The following TCF7L2 variants were observed in gnomAD, a reference collection of about 807,000 sequenced individuals.
TCF7L2 encodes the protein transcription factor 7-like 2.
TCF7L2 carries 23 observed loss-of-function variants against 77.9 expected under a neutral mutation model. The ratio of observed to expected loss-of-function variants is 0.30; its 90% CI spans 0.21 to 0.42. The LOEUF is 0.42. Ranked by LOEUF, TCF7L2 falls within the 10% of genes least tolerant of loss-of-function variation. The pLI is 1.00. For synonymous variants in TCF7L2, 413 were observed against 340.2 expected, an observed-to-expected ratio of 1.21 and a Z score of -2.36; for missense variants, 654 against 793.1, an observed-to-expected ratio of 0.82 and a Z score of 2.11.
At chr10:113,153,802 C>T (rs879727926) in intron 11 of TCF7L2, among the ~76,000 whole-genome samples, 10 of 152,232 alleles carry the variant, frequency 6.6e-5, no homozygotes, top group Non-Finnish European at 1.2e-4. Flanking sequence ...GCCAGGAAAT[C>T]GCAAACATCT....
At chr10:113,106,718 A>G (rs980462926) in intron 5 of TCF7L2, among the ~76,000 whole-genome samples, 3 of 152,228 alleles carry the variant, frequency 2.0e-5, no homozygotes, top group African/African-American at 4.8e-5. Context: ...CGATACATAG[A>G]CAATCAGATC....
At chr10:113,074,133 C>G (rs554725353) in intron 5 of TCF7L2, among the ~76,000 whole-genome samples, 1 of 152,302 alleles carries the variant, frequency 6.6e-6, no homozygotes, top group Non-Finnish European at 1.5e-5. Context: ...ACCTTTCTTC[C>G]TGGAGCACAG....
rs750759958 is a variant in TCF7L2 at position 113,040,009 on chromosome 10, TG to T, written c.451-15del. 1.9e-6 allele frequency: 3 copies of T among 1,608,604 alleles called. No homozygotes were observed. The highest frequency in any genetic ancestry group is 2.5e-6 in the Non-Finnish European group (3 of 1,177,054). On this transcript the variant is annotated splice_polypyrimidine_tract_variant and intron_variant, in intron 4 of 13. Transcript: ENST00000627217. ...AATTCATTGTTTTTCATTTCACTTT[TG>T]TTTCCTCTCGCCAGTATCTCCAGAT...
At chr10:113,034,563 A>C (rs1182511214) in intron 4 of TCF7L2, among the ~76,000 whole-genome samples, 1 of 152,174 alleles carries the variant, frequency 6.6e-6, no homozygotes. Flanking sequence ...GATTAGGAAA[A>C]TTTAACAGCG....
At chr10:112,993,212 A>T (rs2042889383) in intron 4 of TCF7L2, among the ~76,000 whole-genome samples, 1 of 152,118 alleles carries the variant, frequency 6.6e-6, no homozygotes, top group Non-Finnish European at 1.5e-5. Context: ...GGTCTTTATT[A>T]ACACACATGT....
At chr10:113,081,660 A>G (rs2059326210) in intron 5 of TCF7L2, among the ~76,000 whole-genome samples, 1 of 152,210 alleles carries the variant, frequency 6.6e-6, no homozygotes, top group South Asian at 2.1e-4. Context: ...AAAGATTGCA[A>G]GGAGAGTTCA....
chr10:113,041,688 T>TAA (rs568881841), intron 5 of TCF7L2, among the ~76,000 whole-genome samples: 2 of 151,654 alleles, frequency 1.3e-5, no homozygotes, highest in African/African-American at 4.8e-5. Context: ...AATGCCCTGT[T>TAA]AAAAAAAAAT....
chr10:113,144,377 C>T (rs2068942642), intron 7 of TCF7L2, among the ~76,000 whole-genome samples: 1 of 152,176 alleles, frequency 6.6e-6, no homozygotes, highest in South Asian at 2.1e-4. Context: ...CTGGTCATGA[C>T]CCTTCTGCTG....
At chr10:113,077,465 T>C (rs1369797552) in intron 5 of TCF7L2, among the ~76,000 whole-genome samples, 6 of 152,082 alleles carry the variant, frequency 3.9e-5, no homozygotes, top group Admixed American at 3.9e-4. Flanking sequence ...TAAAAGAAAC[T>C]GTACCCATTA....
intron 5 of TCF7L2, among the ~76,000 whole-genome samples, chr10:113,093,074 G>A (rs915400632): frequency 6.0e-4 from 91 of 152,272 alleles, no homozygotes; most frequent in African/African-American, 2.1e-3. Context: ...AAAACAGGCG[G>A]TGGTCATGGG....
intron 6 of TCF7L2, among the ~76,000 whole-genome samples, chr10:113,142,725 C>CA (rs925255728): frequency 1.3e-5 from 2 of 152,200 alleles, no homozygotes; most frequent in Non-Finnish European, 2.9e-5. Flanking sequence ...CGGCCCCAGG[C>CA]TCCACCAGTG....
intron 4 of TCF7L2, among the ~76,000 whole-genome samples, chr10:112,995,678 T>G (rs1323847949): frequency 6.6e-6 from 1 of 152,154 alleles, no homozygotes; most frequent in Non-Finnish European, 1.5e-5. Context: ...GTGTGTTGGT[T>G]AAATTAGCCT....
At chr10:113,112,336 TCACACACACACA>T (rs147018860) in intron 5 of TCF7L2, among the ~76,000 whole-genome samples, 1 of 152,056 alleles carries the variant, frequency 6.6e-6, no homozygotes, top group Non-Finnish European at 1.5e-5. Context: ...CCAGGCATGT[TCACACACACACA>T]CATGCACACA....
At chr10:113,088,881 A>C (rs1003046130) in intron 5 of TCF7L2, among the ~76,000 whole-genome samples, 15 of 151,832 alleles carry the variant, frequency 9.9e-5, no homozygotes, top group African/African-American at 3.4e-4. Flanking sequence ...AGACAGGAGG[A>C]TTGCTTGAGC....
intron 3 of TCF7L2, among the ~76,000 whole-genome samples, chr10:112,955,319 T>C (rs540458364): frequency 6.6e-6 from 1 of 152,352 alleles, no homozygotes; most frequent in African/African-American, 2.4e-5. Context: ...ATGGCGAACA[T>C]GTTTAGATTT....
intron 4 of TCF7L2, among the ~76,000 whole-genome samples, chr10:113,020,639 C>T (rs2048131602): frequency 6.6e-6 from 1 of 152,208 alleles, no homozygotes; most frequent in Non-Finnish European, 1.5e-5. Context: ...TTTTATAATA[C>T]TTTACAGTCT....
At chr10:113,159,105 C>T (rs2072580109) in intron 12 of TCF7L2, among the ~76,000 whole-genome samples, 1 of 150,882 alleles carries the variant, frequency 6.6e-6, no homozygotes, top group South Asian at 2.1e-4. Flanking sequence ...TAAGTTTTCT[C>T]ACGCAAGCAT....
At chr10:113,003,237 A>T (rs1564770621) in intron 4 of TCF7L2, among the ~76,000 whole-genome samples, 1 of 152,144 alleles carries the variant, frequency 6.6e-6, no homozygotes, top group Admixed American at 6.5e-5. Context: ...TTGAGCAAAC[A>T]TTATTTATTG....
At chr10:112,956,165 T>TGAAA (rs2033535097) in intron 3 of TCF7L2, among the ~76,000 whole-genome samples, 1 of 152,120 alleles carries the variant, frequency 6.6e-6, no homozygotes, top group Non-Finnish European at 1.5e-5. Flanking sequence ...CGCGTGTTTC[T>TGAAA]GGACCATGAC....
Sources: gnomAD v4.1 joint callset for allele counts (sites outside exome capture counted in the v4.1 genomes callset) on GRCh38, gnomAD v4.1.1 for gene constraint, MANE v1.5 for transcripts, NCBI Gene and HGNC (gene_info 2026-07-23, HGNC 2026-07-21) for gene names.